CCSER2: variants seen among roughly 807,000 people sequenced by gnomAD.
The protein encoded by CCSER2 is coiled-coil serine rich protein 2.
In CCSER2, 46 loss-of-function variants were observed where a neutral mutation model predicts 92.3. The observed-to-expected ratio is 0.50, with a 90% CI of 0.39 to 0.64. CCSER2 has a LOEUF of 0.64. Ranked by LOEUF, CCSER2 falls within the 30% of genes least tolerant of loss-of-function variation. The pLI, the probability that CCSER2 is intolerant of heterozygous loss-of-function variation, is 0.00. For synonymous variants in CCSER2, 433 were observed against 431.4 expected (o/e 1.00, Z -0.04); for missense variants, 1,244 against 1,238.9 (o/e 1.00, Z -0.06).
chr10:84,350,104 TATC>T (rs2133064069), intron 1 of CCSER2, among the ~76,000 whole-genome samples: 1 of 152,198 alleles, frequency 6.6e-6, no homozygotes, highest in South Asian at 2.1e-4. Flanking sequence ...AGTGAGCCGA[TATC>T]ATGCCACTGC....
intron 3 of CCSER2, chr10:84,389,508 T>A (rs971872108): frequency 2.5e-5 from 7 of 283,520 alleles, no homozygotes; most frequent in South Asian, 1.3e-4. Context: ...TCCTTCGAGG[T>A]ACTGGTTGCC....
chr10:84,335,228 C>CTTTT lies in CCSER2; in HGVS notation c.-40+6440_-40+6443dup, dbSNP rs1202869188. Among the ~76,000 whole-genome samples, 188 of 69,992 alleles carry CTTTT rather than the reference C, an allele frequency of 2.7e-3. 3 individuals carry two copies. The highest frequency in any genetic ancestry group is 9.7e-3 in the African/African-American group (170 of 17,470). The allele number at this position is 69,992 out of a possible 152,430, so 45.9% of individuals were successfully genotyped here. A position where few individuals can be genotyped will look rare whatever the true frequency, so the allele number is the denominator to read the frequency against. On this transcript the variant is annotated intron_variant, in intron 1 of 9. Coordinates refer to ENST00000372088, the MANE Select transcript of CCSER2 (RefSeq NM_001284240.2). Reference sequence around the variant, plus strand: ...CCCAGCATTCTACTTCTCTCTCTCTCTTTTTTTTTTTTTTTTTTTTTTTGA... The same window carrying CTTTT: ...CCCAGCATTCTACTTCTCTCTCTCTCTTTTTTTTTTTTTTTTTTTTTTTTTTTGA...
intron 1 of CCSER2, among the ~76,000 whole-genome samples, chr10:84,362,410 C>A (rs1247272037): frequency 6.6e-6 from 1 of 152,182 alleles, no homozygotes; most frequent in Non-Finnish European, 1.5e-5. Flanking sequence ...GCATGCCCCA[C>A]AGGTATTTGA....
At chr10:84,338,996 TC>T (rs1333092843) in intron 1 of CCSER2, among the ~76,000 whole-genome samples, 1 of 152,170 alleles carries the variant, frequency 6.6e-6, no homozygotes, top group Non-Finnish European at 1.5e-5. Context: ...TAGCCACTGA[TC>T]CATGCCCCAA....
chr10:84,457,919 T>G (rs1419919364), intron 6 of CCSER2, among the ~76,000 whole-genome samples: 2 of 151,362 alleles, frequency 1.3e-5, no homozygotes, highest in Non-Finnish European at 2.9e-5. Flanking sequence ...TTTTTTGTAT[T>G]TTTTTCCGTA....
At chr10:84,426,165 G>A (rs1483624418) in intron 5 of CCSER2, among the ~76,000 whole-genome samples, 1 of 152,046 alleles carries the variant, frequency 6.6e-6, no homozygotes, top group African/African-American at 2.4e-5. Flanking sequence ...TTTTCTAGCT[G>A]TCATTTGGAA....
At chr10:84,480,574 A>G (rs760587827) in intron 9 of CCSER2, among the ~76,000 whole-genome samples, 5 of 152,186 alleles carry the variant, frequency 3.3e-5, no homozygotes, top group Admixed American at 1.3e-4. Context: ...TGAGGCCAAA[A>G]TATGTACGTT....
At chr10:84,352,614 C>T (rs1346143941) in intron 1 of CCSER2, among the ~76,000 whole-genome samples, 3 of 151,982 alleles carry the variant, frequency 2.0e-5, no homozygotes, top group Non-Finnish European at 4.4e-5. Context: ...CTGCCGCCGC[C>T]ACCACCTCCT....
At chr10:84,484,139 AATTTTTTGT>A (rs1206507676) in intron 9 of CCSER2, among the ~76,000 whole-genome samples, 1 of 150,468 alleles carries the variant, frequency 6.6e-6, no homozygotes, top group Non-Finnish European at 1.5e-5. Flanking sequence ...ATGCTTGGCT[AATTTTTTGT>A]ATTTTTTTTA....
chr10:84,361,765 C>T (rs186635386), intron 1 of CCSER2, among the ~76,000 whole-genome samples: 7 of 152,076 alleles, frequency 4.6e-5, no homozygotes, highest in South Asian at 2.1e-4. Flanking sequence ...CTCAGCCTCC[C>T]GAGTAGCTGG....
intron 1 of CCSER2, among the ~76,000 whole-genome samples, chr10:84,331,157 G>A (rs1300329134): frequency 5.9e-5 from 9 of 152,194 alleles, no homozygotes; most frequent in Admixed American, 5.9e-4. Context: ...AAGACAACTT[G>A]TTTGAGATTG....
intron 1 of CCSER2, among the ~76,000 whole-genome samples, chr10:84,332,725 G>A (rs1843649980): frequency 6.6e-6 from 1 of 151,886 alleles, no homozygotes; most frequent in Admixed American, 6.6e-5. Context: ...GGTGAGGCGG[G>A]AGAATCGCTT....
chr10:84,430,707 G>A (rs1564655301), intron 5 of CCSER2, among the ~76,000 whole-genome samples: 1 of 152,214 alleles, frequency 6.6e-6, no homozygotes, highest in Non-Finnish European at 1.5e-5. Flanking sequence ...AAGGAGATGG[G>A]TGTGGCTATT....
intron 6 of CCSER2, among the ~76,000 whole-genome samples, chr10:84,442,590 A>C (rs1844642074): frequency 6.6e-6 from 1 of 152,192 alleles, no homozygotes; most frequent in Non-Finnish European, 1.5e-5. Context: ...TTTTTTAAAA[A>C]ATCTCTTTTC....
At position 84,430,152 on chromosome 10, in the gene CCSER2, G is replaced by A. The variant is rs545475951; in HGVS notation, c.1868+4259G>A. Among the ~76,000 whole-genome samples the A allele has an allele frequency of 1.0e-3, 158 of 152,160 alleles. 4 individuals carry two copies. In the South Asian group the frequency reaches 0.031, roughly 30 times the overall value. Reference sequence around the variant, plus strand: ...TTAGGCACACCTGCAGTCCCTGTAAGTAGTTTGCAGCTTAGGCACACCTGC... The same window carrying A: ...TTAGGCACACCTGCAGTCCCTGTAAATAGTTTGCAGCTTAGGCACACCTGC... On this transcript the variant is annotated intron_variant, in intron 5 of 9. Transcript: ENST00000372088.
intron 9 of CCSER2, among the ~76,000 whole-genome samples, chr10:84,500,250 A>G (rs1157651110): frequency 6.6e-6 from 1 of 152,184 alleles, no homozygotes; most frequent in Non-Finnish European, 1.5e-5. Flanking sequence ...TCTTTAATGC[A>G]TTTTCAAAAC....
At chr10:84,374,475 G>GA (rs1278904447) in intron 3 of CCSER2, among the ~76,000 whole-genome samples, 1 of 152,154 alleles carries the variant, frequency 6.6e-6, no homozygotes, top group Admixed American at 6.6e-5. Flanking sequence ...GGCAGAGGAA[G>GA]AGAGTGCCAG....
At chr10:84,357,745 C>G (rs961865641) in intron 1 of CCSER2, among the ~76,000 whole-genome samples, 1 of 152,110 alleles carries the variant, frequency 6.6e-6, no homozygotes, top group African/African-American at 2.4e-5. Context: ...CCACCGCGCT[C>G]GGCCATATTT....
intron 8 of CCSER2, among the ~76,000 whole-genome samples, chr10:84,470,701 T>C (rs1846740775): frequency 1.3e-5 from 2 of 152,078 alleles, no homozygotes; most frequent in Admixed American, 1.3e-4. Flanking sequence ...GTATTTAAAA[T>C]TTACCAATTT....
Sources: allele counts gnomAD v4.1 joint callset (sites outside exome capture counted in the v4.1 genomes callset), GRCh38; gene constraint gnomAD v4.1.1; transcripts MANE v1.5; gene names NCBI Gene and HGNC (gene_info 2026-07-23, HGNC 2026-07-21).